Variants in DZANK1 observed in about 807,000 individuals in gnomAD.
DZANK1 encodes the protein double zinc ribbon and ankyrin repeat-containing protein 1.
In DZANK1, 91 loss-of-function variants were observed where a neutral mutation model predicts 94.5. The ratio of observed to expected loss-of-function variants is 0.96; its 90% CI spans 0.81 to 1.15. DZANK1 has a LOEUF of 1.15. DZANK1 is among the 50% of genes most tolerant of loss of function. DZANK1 has a pLI of 0.00. For synonymous variants in DZANK1, 312 were observed against 325.3 expected (o/e 0.96, Z 0.44); for missense variants, 903 against 916.4 (o/e 0.99, Z 0.19).
At chr20:18,466,065 G>A (rs1044612871) in intron 1 of DZANK1, among the ~76,000 whole-genome samples, 1 of 152,128 alleles carries the variant, frequency 6.6e-6, no homozygotes, top group East Asian at 1.9e-4. Flanking sequence ...TGGTCTTTTT[G>A]GAGGTGAGGG....
At chr20:18,449,125 A>C (rs1320133157) in intron 6 of DZANK1, 56 bp from the exon 7 acceptor site, 1 of 1,404,080 alleles carries the variant, frequency 7.1e-7, no homozygotes, top group Non-Finnish European at 1.0e-6. Flanking sequence ...ATAACATGGT[A>C]AAGGCTATGG....
At chr20:18,411,731 C>A (rs943395113) in intron 13 of DZANK1, among the ~76,000 whole-genome samples, 11 of 152,108 alleles carry the variant, frequency 7.2e-5, no homozygotes, top group African/African-American at 2.7e-4. Context: ...CTGTCTTAGT[C>A]CATTTGTGCT....
In DZANK1 at chr20:18,465,323, T is replaced by TGCCTC; in HGVS notation, c.35_36insGAGGC (p.Ile12MetfsTer25). The TGCCTC allele has an allele frequency of 6.2e-7, 1 of 1,610,414 alleles. No individual in the cohort carries two copies. The highest frequency in any genetic ancestry group is 1.7e-5 in the Admixed American group (1 of 59,694). On this transcript the variant is annotated frameshift_variant, in exon 2 of 21. Transcript: ENST00000262547. LOFTEE classifies it high-confidence loss of function. ...TTCCAGGCTGAGGCACTCGTAATGG[T>TGCCTC]ATGATCTGAGGGACACACACTGAAC...
rs756107826 is a variant in DZANK1 at position 18,390,471 on chromosome 20, C to T, written c.1810-12G>A. 1.9e-5 allele frequency: 30 copies of T among 1,613,064 alleles called. No homozygotes were observed. The highest frequency in any genetic ancestry group is 8.9e-5 in the East Asian group (4 of 44,886). On this transcript the variant is annotated splice_polypyrimidine_tract_variant and intron_variant, in intron 17 of 20. Transcript: ENST00000262547. ...AGTCTGTTTTCAGGCTGCAGGATTA[C>T]AGAATGTGGTCATTTCCCCCACTTC... is the stretch of plus-strand genomic sequence containing the variant.
chr20:18,390,497 A>C (rs1470547592), intron 17 of DZANK1, 38 bp from the exon 18 acceptor site: 1 of 1,586,596 alleles, frequency 6.3e-7, no homozygotes, highest in Non-Finnish European at 8.7e-7. Flanking sequence ...CCCCCACTTC[A>C]AAATATTCAC....
chr20:18,434,908 A>T (rs2148632291), intron 8 of DZANK1, among the ~76,000 whole-genome samples: 1 of 152,308 alleles, frequency 6.6e-6, no homozygotes, highest in Admixed American at 6.5e-5. Flanking sequence ...GTTTGGGGTA[A>T]TCGATGCACT....
chr20:18,446,454 G>A (rs1313475992), intron 7 of DZANK1, among the ~76,000 whole-genome samples: 1 of 152,146 alleles, frequency 6.6e-6, no homozygotes, highest in East Asian at 1.9e-4. Context: ...GAATGAAGAT[G>A]AAAACACAAC....
rs150496662 is a variant in DZANK1 at position 18,430,608 on chromosome 20, A to G, written c.861+3044T>C. On this transcript the variant is annotated intron_variant, in intron 9 of 20. Coordinates refer to ENST00000262547, the Ensembl canonical transcript of DZANK1. The stretch of plus-strand genomic sequence containing the variant: ...GGTGGGAGGATCATGTGAGCTCAGG[A>G]GTTCCAGACCAGCCTGGGCAACAAG... Among the ~76,000 whole-genome samples the G allele has an allele frequency of 2.4e-3, 363 of 152,324 alleles. 5 individuals carry two copies. The highest frequency in any genetic ancestry group is 0.02 in the Admixed American group (305 of 15,308).
At chr20:18,419,435 G>A (rs1048022990) in intron 10 of DZANK1, among the ~76,000 whole-genome samples, 6 of 151,982 alleles carry the variant, frequency 3.9e-5, no homozygotes, top group Non-Finnish European at 5.9e-5. Flanking sequence ...AATTTACAGC[G>A]ACAAGATTCT....
chr20:18,394,123 A>T (rs1232435100), intron 16 of DZANK1, 131 bp downstream of exon 16: 1 of 790,608 alleles, frequency 1.3e-6, no homozygotes, highest in Non-Finnish European at 2.0e-6. Flanking sequence ...AGCCAGAGAA[A>T]TAAAACGTCT....
At chr20:18,420,704 G>C (rs2057735527) in intron 10 of DZANK1, 1 of 180,538 alleles carries the variant, frequency 5.5e-6, no homozygotes, top group African/African-American at 2.3e-5. Context: ...TTCTTTATTG[G>C]ATGGCATCCT....
exon 5 of DZANK1, chr20:18,453,782 T>C: frequency 6.2e-7 from 1 of 1,613,036 alleles, no homozygotes; most frequent in Non-Finnish European, 8.5e-7. Context: ...TCAGAGTTCT[T>C]ATATTTTTTC....
intron 6 of DZANK1, chr20:18,452,071 G>GT (rs11470327): frequency 1.3e-3 from 404 of 299,724 alleles, no homozygotes; most frequent in East Asian, 2.5e-3. Flanking sequence ...TTTAGGGGTG[G>GT]TTTTTTTTTT....
At chr20:18,460,108 G>A in intron 3 of DZANK1, 45 bp downstream of exon 3, 1 of 1,276,802 alleles carries the variant, frequency 7.8e-7, no homozygotes, top group South Asian at 2.2e-5. Context: ...AGAACATAAT[G>A]TTATTATATC....
chr20:18,423,123 C>T (rs1011282398), intron 10 of DZANK1, among the ~76,000 whole-genome samples: 7 of 152,102 alleles, frequency 4.6e-5, no homozygotes, highest in Non-Finnish European at 8.8e-5. Flanking sequence ...ATTTGTATTA[C>T]AAGTGCCTAG....
At chr20:18,445,780 A>G (rs1199782041) in intron 7 of DZANK1, among the ~76,000 whole-genome samples, 1 of 152,122 alleles carries the variant, frequency 6.6e-6, no homozygotes, top group Admixed American at 6.5e-5. Context: ...GTTTTGAGAC[A>G]GAGTCTTCCT....
intron 2 of DZANK1, among the ~76,000 whole-genome samples, chr20:18,464,106 T>G (rs2424206): frequency 2.0e-5 from 3 of 151,118 alleles, no homozygotes; most frequent in Admixed American, 6.6e-5. Flanking sequence ...TGGAGTCTTG[T>G]TCTGTCTCCC....
rs1257150367 is a variant in DZANK1, at chr20:18,433,642, AT to A, written c.861+9del. 1 of 1,611,594 alleles carries A rather than the reference AT, an allele frequency of 6.2e-7. No individual in the cohort carries two copies. The highest frequency in any genetic ancestry group is 8.5e-7 in the Non-Finnish European group (1 of 1,177,670). ...TTCATTCATGTTTTTACAGAATCAC[AT>A]TTCATTACCTTCAAGTGGAGGCTTG... is the stretch of plus-strand genomic sequence containing the variant. On this transcript the variant is annotated intron_variant, in intron 9 of 20. Coordinates refer to ENST00000262547, the Ensembl canonical transcript of DZANK1.
chr20:18,452,004 C>A, intron 6 of DZANK1: 1 of 505,688 alleles, frequency 2.0e-6, no homozygotes. Context: ...AGAATTCAAA[C>A]TTCTTACGGT....
Sources: allele counts gnomAD v4.1 joint callset (sites outside exome capture counted in the v4.1 genomes callset), GRCh38; gene constraint gnomAD v4.1.1; transcripts MANE v1.5; gene names NCBI Gene and HGNC (gene_info 2026-07-23, HGNC 2026-07-21).